Variants in ADAM19 observed in about 807,000 individuals in gnomAD.
ADAM19 encodes disintegrin and metalloproteinase domain-containing protein 19.
A neutral mutation model predicts 114.7 loss-of-function variants in ADAM19; 65 were observed. The observed-to-expected ratio is 0.57, with a 90% CI of 0.46 to 0.70. ADAM19 has a LOEUF of 0.70. Ranked by LOEUF, ADAM19 falls within the 30% of genes least tolerant of loss-of-function variation. The pLI is 0.00. For synonymous variants in ADAM19, 466 were observed against 460.5 expected (o/e 1.01, Z -0.15); for missense variants, 1,063 against 1,204.7 (o/e 0.88, Z 1.74).
At chr5:157,516,614 T>C (rs1756097606) in intron 7 of ADAM19, among the ~76,000 whole-genome samples, 1 of 152,164 alleles carries the variant, frequency 6.6e-6, no homozygotes, top group African/African-American at 2.4e-5. Context: ...CTGGGCTCTA[T>C]ATGCTTAACT....
chr5:157,490,579 A>C, intron 18 of ADAM19, 125 bp from the exon 19 acceptor site: 2 of 1,197,334 alleles, frequency 1.7e-6, no homozygotes, highest in Non-Finnish European at 1.2e-6. Context: ...ACTTATTTTA[A>C]CTTACAAATT....
chr5:157,570,093 C>A (rs1021536576), intron 2 of ADAM19, among the ~76,000 whole-genome samples: 5 of 152,136 alleles, frequency 3.3e-5, no homozygotes, highest in African/African-American at 1.2e-4. Flanking sequence ...AAACCCATCT[C>A]TACTAAAAAT....
At chr5:157,536,233 C>T (rs1270763591) in intron 4 of ADAM19, among the ~76,000 whole-genome samples, 1 of 152,202 alleles carries the variant, frequency 6.6e-6, no homozygotes, top group African/African-American at 2.4e-5. Flanking sequence ...GGCACAGTGG[C>T]CTGTAATCTC....
At position 157,491,843 on chromosome 5, in the gene ADAM19, C is replaced by T; in HGVS notation, c.1978G>A (p.Gly660Ser). The change falls in exon 17 of 23, where the codon GGC becomes AGC. Residue 660 changes from glycine (G) to serine (S), a missense_variant. This residue lies in a region of ADAM19 where 424 missense variants were observed against 445.5 expected (regional missense o/e 0.95). Transcript: ENST00000257527. ...ETEGCGKKCN[G>S]HGVCNNNQNC... is the part of the protein sequence containing the mutation. ...CAGAACCCAGCACGCACCCCATGGCCATTGCACTTCTTCCCACAGCCTTCA... is the reference window on the plus strand; with the variant it reads ...CAGAACCCAGCACGCACCCCATGGCTATTGCACTTCTTCCCACAGCCTTCA... 1.2e-6 allele frequency: 2 copies of T among 1,614,242 alleles called. No homozygotes were observed. The highest frequency in any genetic ancestry group is 1.7e-6 in the Non-Finnish European group (2 of 1,180,044).
chr5:157,516,756 G>A (rs1243123111), intron 7 of ADAM19, among the ~76,000 whole-genome samples: 1 of 152,156 alleles, frequency 6.6e-6, no homozygotes, highest in South Asian at 2.1e-4. Context: ...GAGGAGCTCA[G>A]TTTTCTTCCA....
chr5:157,488,365 T>C lies in ADAM19; in HGVS notation c.2450A>G (p.Asn817Ser), dbSNP rs769257964. The C allele has an allele frequency of 6.2e-7, 1 of 1,614,092 alleles. No homozygotes were observed. The highest frequency in any genetic ancestry group is 1.1e-5 in the South Asian group (1 of 91,080). Residue 817 changes from asparagine (N) to serine (S), a missense_variant, in exon 21 of 23, where the codon AAC becomes AGC. By Grantham distance (46) the Asn-to-Ser change is conservative. Around this residue, in one of 3 missense-constraint regions of ADAM19, gnomAD observed 424 missense variants for 445.5 expected, o/e 0.95. Coordinates refer to ENST00000257527, the MANE Select transcript of ADAM19 (RefSeq NM_033274.5). ...LPAHLSRAAR[N>S]SPGPGSQIER... Reference sequence around the variant, plus strand: ...TATTTGAGACCCGGGCCCTGGGGAGTTCCTAGCAGCCCTGCTCAGGTGAGC... The same window carrying C: ...TATTTGAGACCCGGGCCCTGGGGAGCTCCTAGCAGCCCTGCTCAGGTGAGC...
chr5:157,540,084 G>C (rs1379909070), intron 3 of ADAM19, among the ~76,000 whole-genome samples: 1 of 152,240 alleles, frequency 6.6e-6, no homozygotes, highest in African/African-American at 2.4e-5. Flanking sequence ...TGATAGGGCT[G>C]TGATGAGGAT....
chr5:157,522,820 G>T (rs1756341209), intron 5 of ADAM19, among the ~76,000 whole-genome samples: 1 of 152,092 alleles, frequency 6.6e-6, no homozygotes, highest in African/African-American at 2.4e-5. Context: ...GAGTGAATTA[G>T]AAAGATACCA....
At chr5:157,481,435 C>T in intron 22 of ADAM19, 1 of 695,706 alleles carries the variant, frequency 1.4e-6, no homozygotes, top group East Asian at 2.7e-5. Flanking sequence ...TACTAATGCA[C>T]TTCCTTGCTC....
intron 5 of ADAM19, among the ~76,000 whole-genome samples, chr5:157,528,908 G>A (rs1244174545): frequency 3.3e-5 from 5 of 152,182 alleles, no homozygotes; most frequent in Non-Finnish European, 5.9e-5. Context: ...GCATTAGGAA[G>A]ACACCCAATT....
chr5:157,551,305 G>A (rs1331383197), intron 3 of ADAM19, among the ~76,000 whole-genome samples: 1 of 146,436 alleles, frequency 6.8e-6, no homozygotes, highest in Admixed American at 7.1e-5. Context: ...TCGGGAGGCT[G>A]AAACAGGAGA....
At chr5:157,487,086 G>A (rs910096285) in intron 21 of ADAM19, among the ~76,000 whole-genome samples, 2 of 152,134 alleles carry the variant, frequency 1.3e-5, no homozygotes, top group Non-Finnish European at 2.9e-5. Flanking sequence ...CTCTAGAACT[G>A]TGAGAAAATA....
At chr5:157,558,293 T>C (rs960608088) in intron 3 of ADAM19, among the ~76,000 whole-genome samples, 7 of 152,230 alleles carry the variant, frequency 4.6e-5, no homozygotes, top group African/African-American at 1.4e-4. Context: ...CATCCAACTG[T>C]TTCCTCAGCA....
chr5:157,540,787 T>A (rs1397940594), intron 3 of ADAM19, among the ~76,000 whole-genome samples: 1 of 152,238 alleles, frequency 6.6e-6, no homozygotes, highest in Non-Finnish European at 1.5e-5. Context: ...ACTCCATTTC[T>A]GACCACATAC....
intron 6 of ADAM19, 115 bp downstream of exon 6, chr5:157,519,724 T>A (rs1252976993): frequency 4.0e-6 from 4 of 1,004,122 alleles, no homozygotes; most frequent in Admixed American, 4.9e-5. Context: ...CACTATTTCC[T>A]TTTTCTTAGG....
At position 157,488,291 on chromosome 5, in the gene ADAM19, G is replaced by T; in HGVS notation, c.2524C>A (p.Pro842Thr). ...RRPPPSRPIP[P>T]APNCIVSQDF... ...TGGGAAACGATGCAATTTGGTGCGG[G>T]GGGAATTGGCCGGCTTGGAGGAGGC... Residue 842 changes from proline (P) to threonine (T), a missense_variant, in exon 21 of 23, where the codon CCC (proline) becomes ACC (threonine). Pro to Thr is a conservative substitution (Grantham distance 38). This residue lies in a region of ADAM19 where 424 missense variants were observed against 445.5 expected (regional missense o/e 0.95). Coordinates refer to ENST00000257527, the MANE Select transcript of ADAM19 (RefSeq NM_033274.5). The T allele has an allele frequency of 6.2e-7, 1 of 1,614,014 alleles. No individual in the cohort carries two copies. The highest frequency in any genetic ancestry group is 8.5e-7 in the Non-Finnish European group (1 of 1,179,888).
intron 13 of ADAM19, among the ~76,000 whole-genome samples, chr5:157,498,024 C>G (rs11744244): frequency 6.6e-6 from 1 of 152,224 alleles, no homozygotes; most frequent in Non-Finnish European, 1.5e-5. Flanking sequence ...TGGGCCAAGA[C>G]TGGAAGAACT....
intron 3 of ADAM19, among the ~76,000 whole-genome samples, chr5:157,540,642 C>A (rs1275352054): frequency 6.6e-6 from 1 of 152,130 alleles, no homozygotes; most frequent in East Asian, 1.9e-4. Flanking sequence ...AGCAAGCAGG[C>A]AGTACATGTG....
At chr5:157,483,210 A>T (rs367587567) in intron 21 of ADAM19, among the ~76,000 whole-genome samples, 7 of 118,058 alleles carry the variant, frequency 5.9e-5, no homozygotes, top group South Asian at 2.3e-4. Flanking sequence ...AAAGTATAAT[A>T]AAAAAAATTA....
Sources: allele counts gnomAD v4.1 joint callset (sites outside exome capture counted in the v4.1 genomes callset), GRCh38; gene constraint gnomAD v4.1.1; regional missense constraint gnomAD v4.1.1; transcripts MANE v1.5; gene names NCBI Gene and HGNC (gene_info 2026-07-23, HGNC 2026-07-21).